BCKDHA: variants seen among roughly 807,000 people sequenced by gnomAD.
BCKDHA encodes the protein branched chain keto acid dehydrogenase E1 subunit alpha.
In BCKDHA, 43 loss-of-function variants were observed where a neutral mutation model predicts 52.2. That is an observed-to-expected ratio of 0.82 (90% confidence interval 0.64 to 1.06). BCKDHA has a LOEUF of 1.06. Among genes scored for constraint, BCKDHA ranks in the 50% least tolerant of loss-of-function variants. The pLI is 0.00. For synonymous variants in BCKDHA, 234 were observed against 247.9 expected (o/e 0.94, Z 0.53); for missense variants, 527 against 621.3 (o/e 0.85, Z 1.61).
At chr19:41,408,556 C>T (rs1313182597) in intron 1 of BCKDHA, among the ~76,000 whole-genome samples, 1 of 152,038 alleles carries the variant, frequency 6.6e-6, no homozygotes, top group African/African-American at 2.4e-5. Context: ...TGGGCTTTCT[C>T]AGCCATTCCT....
Position 41,422,178 on chromosome 19 carries a change from T to A in BCKDHA, c.661T>A (p.Tyr221Asn). 1 of 1,613,776 alleles carries A rather than the reference T, an allele frequency of 6.2e-7. No individual in the cohort carries two copies. The highest frequency in any genetic ancestry group is 8.5e-7 in the Non-Finnish European group (1 of 1,179,950). The change falls in exon 6 of 9, where the codon TAC becomes AAC. Residue 221 changes from tyrosine (Y) to asparagine (N), a missense_variant. Transcript: ENST00000269980. ...TQIPQAVGAA[Y>N]AAKRANANRV... ...ATCCCCTGCAGCGGTGGGGGCGGCG[T>A]ACGCAGCCAAGCGGGCCAATGCCAA...
At chr19:41,398,107 G>T (rs1311120626) in intron 1 of BCKDHA, among the ~76,000 whole-genome samples, 172 bp downstream of exon 1, 1 of 152,204 alleles carries the variant, frequency 6.6e-6, no homozygotes, top group Admixed American at 6.5e-5. Flanking sequence ...TTCCTTAGGA[G>T]ACGAAAAGAA....
chr19:41,409,268 C>G (rs182336397), intron 1 of BCKDHA, among the ~76,000 whole-genome samples: 7 of 152,300 alleles, frequency 4.6e-5, no homozygotes, highest in Admixed American at 2.0e-4. Context: ...TGTGCTTTCC[C>G]TGCCTCCTGG....
At chr19:41,418,927 A>G in intron 4 of BCKDHA, 1 of 598,224 alleles carries the variant, frequency 1.7e-6, no homozygotes, top group African/African-American at 1.9e-5. Context: ...TCACTAAGAG[A>G]AAGAAAGAAA....
intron 3 of BCKDHA, among the ~76,000 whole-genome samples, chr19:41,413,188 T>C (rs2039274871): frequency 1.3e-5 from 2 of 152,118 alleles, no homozygotes; most frequent in African/African-American, 2.4e-5. Context: ...CAGGAAGAAG[T>C]AGGGAGTGGG....
intron 5 of BCKDHA, among the ~76,000 whole-genome samples, chr19:41,420,144 G>C (rs774795290): frequency 1.1e-4 from 17 of 152,144 alleles, no homozygotes; most frequent in Non-Finnish European, 2.9e-5. Context: ...ACCCCATTCA[G>C]GGGCCTGAAG....
intron 1 of BCKDHA, among the ~76,000 whole-genome samples, chr19:41,404,087 C>T (rs899988704): frequency 3.7e-4 from 56 of 151,922 alleles, no homozygotes; most frequent in Non-Finnish European, 5.9e-5. Flanking sequence ...TCAAGCGATT[C>T]TCGTGCCTCA....
Position 41,414,034 on chromosome 19 carries a change from C to A in BCKDHA, c.376-15C>A. On this transcript the variant is annotated splice_polypyrimidine_tract_variant and intron_variant, in intron 3 of 8. Transcript: ENST00000269980. ...ATAACCAATTGTGGGACCCCGGTCCCCTCTACACCCCCAGGGCCGGATCTC... is the reference window on the plus strand; with the variant it reads ...ATAACCAATTGTGGGACCCCGGTCCACTCTACACCCCCAGGGCCGGATCTC... 6.2e-7 allele frequency: 1 copy of A among 1,610,178 alleles called. No individual in the cohort carries two copies. The highest frequency in any genetic ancestry group is 8.5e-7 in the Non-Finnish European group (1 of 1,177,042).
intron 1 of BCKDHA, among the ~76,000 whole-genome samples, chr19:41,398,989 G>A (rs1396782064): frequency 6.6e-6 from 1 of 152,176 alleles, no homozygotes; most frequent in East Asian, 1.9e-4. Context: ...TGATAGTGAG[G>A]GTGGAGGGAA....
chr19:41,409,798 A>ATTT (rs10565264), intron 1 of BCKDHA, among the ~76,000 whole-genome samples: 57 of 109,126 alleles, frequency 5.2e-4, no homozygotes, highest in East Asian at 1.0e-3. Context: ...CCTCTAAGGG[A>ATTT]TTTTTTTTTT....
intron 4 of BCKDHA, among the ~76,000 whole-genome samples, chr19:41,416,919 G>C (rs1277445606): frequency 6.6e-6 from 1 of 152,128 alleles, no homozygotes; most frequent in Non-Finnish European, 1.5e-5. Flanking sequence ...TCCTGTCTCT[G>C]AGACCAACAA....
At position 41,410,797 on chromosome 19, in the gene BCKDHA, A is replaced by T. The variant is rs1393266832; in HGVS notation, c.269A>T (p.Asn90Ile). 6.2e-7 allele frequency: 1 copy of T among 1,613,944 alleles called. No homozygotes were observed. The highest frequency in any genetic ancestry group is 1.7e-5 in the Admixed American group (1 of 59,978). ...RVMDRQGQII[N>I]PSEDPHLPKE... ...ATGGACCGGCAAGGCCAGATCATCA[A>T]CCCCAGCGAGGACCCCCACGTGAGA... Residue 90 changes from asparagine to isoleucine, a missense_variant, in exon 2 of 9, where the codon AAC becomes ATC. By Grantham distance (149) the Asn-to-Ile change is moderately radical (BLOSUM62 -3). Transcript: ENST00000269980.
intron 1 of BCKDHA, among the ~76,000 whole-genome samples, chr19:41,402,726 C>G (rs751707970): frequency 6.6e-6 from 1 of 152,210 alleles, no homozygotes; most frequent in Admixed American, 6.5e-5. Flanking sequence ...ACTGCAACCT[C>G]TGCCTCCTGG....
intron 1 of BCKDHA, among the ~76,000 whole-genome samples, chr19:41,408,502 G>A (rs2039217370): frequency 6.6e-6 from 1 of 152,042 alleles, no homozygotes; most frequent in Non-Finnish European, 1.5e-5. Context: ...AGTCCCAGTG[G>A]GTTCATATCC....
Position 41,411,132 on chromosome 19 carries a change from C to CTGAGGGTTCTCT in BCKDHA, c.375+126_375+137dup, listed in dbSNP as rs938963707. The CTGAGGGTTCTCT allele has an allele frequency of 1.4e-4, 149 of 1,092,434 alleles. No homozygotes were observed. The African/African-American group carries it at 1.9e-3, about 14-fold the overall frequency. 67.7% of individuals were successfully genotyped at this position (1,092,434 alleles called of 1,614,324 possible). A position where few individuals can be genotyped will look rare whatever the true frequency, so the allele number is the denominator to read the frequency against. ...TTTTTTGGGGGGGTTCCATAGAGTT[C>CTGAGGGTTCTCT]TGAGGGTTCTCTTGGGACTCTGGAG... On this transcript the variant is annotated intron_variant, in intron 3 of 8. Transcript: ENST00000269980.
intron 5 of BCKDHA, among the ~76,000 whole-genome samples, chr19:41,421,370 G>C (rs2039362208): frequency 6.6e-6 from 1 of 152,146 alleles, no homozygotes; most frequent in Non-Finnish European, 1.5e-5. Flanking sequence ...CCTGTAGGGA[G>C]CAGCCAAGCC....
intron 1 of BCKDHA, among the ~76,000 whole-genome samples, chr19:41,410,046 G>A (rs1022810425): frequency 2.0e-5 from 3 of 152,092 alleles, no homozygotes; most frequent in Admixed American, 1.3e-4. Context: ...AGTGAGATTC[G>A]CCTGCCTCTG....
chr19:41,416,995 A>G (rs1482970767), intron 4 of BCKDHA, among the ~76,000 whole-genome samples: 1 of 152,060 alleles, frequency 6.6e-6, no homozygotes, highest in Non-Finnish European at 1.5e-5. Flanking sequence ...TCCTGGTGCA[A>G]ATCAGCCTGT....
At chr19:41,423,621 C>A (rs542012873) in intron 8 of BCKDHA, among the ~76,000 whole-genome samples, 1 of 152,174 alleles carries the variant, frequency 6.6e-6, no homozygotes. Context: ...CACCTGAGGT[C>A]GGGAGTTTGA....
Sources: allele counts gnomAD v4.1 joint callset (sites outside exome capture counted in the v4.1 genomes callset), GRCh38; gene constraint gnomAD v4.1.1; transcripts MANE v1.5; gene names NCBI Gene and HGNC (gene_info 2026-07-23, HGNC 2026-07-21).